EVL: variants seen among roughly 807,000 people sequenced by gnomAD.
The protein encoded by EVL is ena/VASP-like protein.
In EVL, 21 loss-of-function variants were observed where a neutral mutation model predicts 59.6. The ratio of observed to expected loss-of-function variants is 0.35; its 90% CI spans 0.25 to 0.51. The LOEUF is 0.51. Among genes scored for constraint, EVL ranks in the 20% least tolerant of loss-of-function variants. EVL has a pLI of 0.97. For missense variants in EVL, 462 were observed against 546.6 expected, an observed-to-expected ratio of 0.85 and a Z score of 1.54; for synonymous variants, 198 against 203.5, an observed-to-expected ratio of 0.97 and a Z score of 0.23.
chr14:100,105,350 C>G (rs1002242262), intron 3 of EVL, among the ~76,000 whole-genome samples: 5 of 152,094 alleles, frequency 3.3e-5, no homozygotes, highest in Admixed American at 3.3e-4. Flanking sequence ...ACAGGGACCC[C>G]AATTCTAGCC....
rs748582795 is a variant in EVL, at chr14:100,141,718, A to T, written c.1162-18A>T. 6.2e-7 allele frequency: 1 copy of T among 1,612,652 alleles called. No individual in the cohort carries two copies. The highest frequency in any genetic ancestry group is 8.5e-7 in the Non-Finnish European group (1 of 1,179,418). Reference sequence around the variant, plus strand: ...CTCCACTGCCTGTCCCTTCACCTGGACACTCCTCTCCCAACAGGAGATCCT... The same window carrying T: ...CTCCACTGCCTGTCCCTTCACCTGGTCACTCCTCTCCCAACAGGAGATCCT... On this transcript the variant is annotated intron_variant, in intron 12 of 13. Transcript: ENST00000392920.
At chr14:100,019,391 C>T in intron 1 of EVL, 1 of 414,482 alleles carries the variant, frequency 2.4e-6, no homozygotes, top group Non-Finnish European at 4.2e-6. Context: ...CAGTTCCCAG[C>T]CTGGAGCCTA....
chr14:100,044,527 G>T (rs2061518762), intron 1 of EVL, among the ~76,000 whole-genome samples: 1 of 152,154 alleles, frequency 6.6e-6, no homozygotes, highest in Non-Finnish European at 1.5e-5. Flanking sequence ...GGGCACTGGG[G>T]AAGACGGGTA....
chr14:100,131,363 T>C (rs903026261), intron 7 of EVL, among the ~76,000 whole-genome samples: 2 of 152,140 alleles, frequency 1.3e-5, no homozygotes, highest in Non-Finnish European at 2.9e-5. Flanking sequence ...TTTGCATAGC[T>C]CAGCAGGGAT....
chr14:99,998,546 AG>A (rs2060927677), intron 1 of EVL, among the ~76,000 whole-genome samples: 1 of 152,204 alleles, frequency 6.6e-6, no homozygotes, highest in African/African-American at 2.4e-5. Context: ...AAAAGTTACT[AG>A]TTTTGTAAAA....
chr14:99,991,958 C>CTGTGTGTGTGTGTG (rs1491151315), intron 1 of EVL, among the ~76,000 whole-genome samples: 131 of 73,424 alleles, frequency 1.8e-3, no homozygotes, highest in African/African-American at 8.2e-3. Flanking sequence ...TGAGGGTCAA[C>CTGTGTGTGTGTGTG]TCTGTGTGTG....
At chr14:100,090,409 A>G (rs2062540438) in intron 2 of EVL, among the ~76,000 whole-genome samples, 1 of 152,218 alleles carries the variant, frequency 6.6e-6, no homozygotes. Context: ...ACTCCTTCGG[A>G]GATGAGAGAA....
Position 100,130,099 on chromosome 14 carries a change from T to A in EVL, c.839+415T>A, listed in dbSNP as rs1247880228. Among the ~76,000 whole-genome samples the A allele has an allele frequency of 6.6e-6, 1 of 152,256 alleles. No individual in the cohort carries two copies. Among genetic ancestry groups the A allele is most frequent in the African/African-American group, 2.4e-5 (1 of 41,476 alleles). ...AATGTGTGGTGAAGGCACCCCATTC[T>A]CCAGGGTTCTTTATGGAGGACTCAG... On this transcript the variant is annotated intron_variant, in intron 7 of 13. Coordinates refer to ENST00000392920, the MANE Select transcript of EVL (RefSeq NM_016337.3). The surrounding 1 kb of genome is among the most constrained non-coding windows in gnomAD (Gnocchi z 4.8).
At chr14:99,984,319 C>T (rs564740949) in intron 1 of EVL, among the ~76,000 whole-genome samples, 2 of 152,194 alleles carry the variant, frequency 1.3e-5, no homozygotes, top group African/African-American at 4.8e-5. Context: ...GGACGTTATC[C>T]ACTGTAACCC....
Position 100,132,738 on chromosome 14 carries a change from T to G in EVL, c.859T>G (p.Ser287Ala). 1 of 1,614,086 alleles carries G rather than the reference T, an allele frequency of 6.2e-7. No homozygotes were observed. The highest frequency in any genetic ancestry group is 8.5e-7 in the Non-Finnish European group (1 of 1,180,012). Residue 287 changes from serine to alanine, a missense_variant, in exon 8 of 14, where the codon TCA (serine) becomes GCA (alanine). Ser to Ala is a moderately conservative substitution (Grantham distance 99). Transcript: ENST00000392920. Reference protein sequence around the residue: ...LAKRRKAASQSDKPAEKKEDE... With the variant: ...LAKRRKAASQADKPAEKKEDE... ...GCCTAGGAGAAAAGCAGCCTCCCAGTCAGACAAGCCAGCCGAGAAGAAGGA... is the reference window on the plus strand; with the variant it reads ...GCCTAGGAGAAAAGCAGCCTCCCAGGCAGACAAGCCAGCCGAGAAGAAGGA...
chr14:100,141,957 G>GGAAAGCT (rs1889198094), intron 13 of EVL, 164 bp downstream of exon 13: 1 of 564,064 alleles, frequency 1.8e-6, no homozygotes, highest in African/African-American at 1.9e-5. Flanking sequence ...AACAGGCTCA[G>GGAAAGCT]GAAAGCTGAA....
chr14:100,090,271 A>G (rs938478740), intron 2 of EVL, among the ~76,000 whole-genome samples: 5 of 152,352 alleles, frequency 3.3e-5, no homozygotes, highest in East Asian at 3.9e-4. Flanking sequence ...GGAAATCACT[A>G]CAGATCCTAT....
Position 100,039,503 on chromosome 14 carries a change from C to T in EVL, c.6-45184C>T, listed in dbSNP as rs564788873. Among the ~76,000 whole-genome samples the T allele has an allele frequency of 2.3e-4, 35 of 152,300 alleles. 1 individual carries two copies. In the South Asian group the frequency reaches 6.8e-3, roughly 30 times the overall value. ...CCACCCACCTCAGCCTCCCAAAGTGCTGGGATTACAGGCGTGAGCCACTGC... is the reference window on the plus strand; with the variant it reads ...CCACCCACCTCAGCCTCCCAAAGTGTTGGGATTACAGGCGTGAGCCACTGC... On this transcript the variant is annotated intron_variant, in intron 1 of 13. Transcript: ENST00000402714.
At chr14:100,081,924 A>ACC (rs1005071014) in intron 1 of EVL, among the ~76,000 whole-genome samples, 2 of 152,102 alleles carry the variant, frequency 1.3e-5, no homozygotes, top group South Asian at 2.1e-4. Flanking sequence ...ACATGGTAAA[A>ACC]CCCTGTCTCT....
rs1268924958 is a variant in EVL at position 100,130,085 on chromosome 14, A to G, written c.839+401A>G. Among the ~76,000 whole-genome samples the G allele has an allele frequency of 6.6e-6, 1 of 152,224 alleles. No homozygotes were observed. Among genetic ancestry groups the G allele is most frequent in the African/African-American group, 2.4e-5 (1 of 41,450 alleles). On this transcript the variant is annotated intron_variant, in intron 7 of 13. Transcript: ENST00000392920. This position sits in a 1 kb window ranked among gnomAD's most constrained non-coding sequence, Gnocchi z 4.8. Reference sequence around the variant, plus strand: ...AGGACACTCTGGTGAATGTGTGGTGAAGGCACCCCATTCTCCAGGGTTCTT... The same window carrying G: ...AGGACACTCTGGTGAATGTGTGGTGGAGGCACCCCATTCTCCAGGGTTCTT...
At position 100,109,659 on chromosome 14, in the gene EVL, C is replaced by G; in HGVS notation, c.358+12001C>G. The G allele has an allele frequency of 1.9e-6, 1 of 531,294 alleles. No individual in the cohort carries two copies. The highest frequency in any genetic ancestry group is 3.9e-6 in the Non-Finnish European group (1 of 258,560). 32.9% of individuals were successfully genotyped at this position (531,294 alleles called of 1,614,324 possible). On this transcript the variant is annotated intron_variant, in intron 3 of 13. Coordinates refer to ENST00000392920, the MANE Select transcript of EVL (RefSeq NM_016337.3). The surrounding 1 kb of genome is among the most constrained non-coding windows in gnomAD (Gnocchi z 4.3). ...ACCGCTTGCTGGCCAACCTGTGAAA[C>G]TGGGCTCAAGGTGAGGGGTGCTATC...
In EVL at chr14:100,124,666, C is replaced by T. The variant is rs575007904; in HGVS notation, c.422+1064C>T. Reference sequence around the variant, plus strand: ...TGCAGCTCCCTGCCGGGACCCAAGGCTGGTCCCACCCACAAAAGGGCGTGA... The same window carrying T: ...TGCAGCTCCCTGCCGGGACCCAAGGTTGGTCCCACCCACAAAAGGGCGTGA... On this transcript the variant is annotated intron_variant, in intron 4 of 13. Transcript: ENST00000392920. 3.9e-5 allele frequency among the ~76,000 whole-genome samples: 6 copies of T among 152,356 alleles called. No homozygotes were observed. The East Asian group carries it at 1.2e-3, about 29-fold the overall frequency.
chr14:100,009,901 GGTT>G (rs1312849634), intron 1 of EVL, among the ~76,000 whole-genome samples: 2 of 152,226 alleles, frequency 1.3e-5, no homozygotes, highest in Non-Finnish European at 2.9e-5. Flanking sequence ...GTTGGAAATT[GGTT>G]AAGTTTATCT....
At chr14:100,100,014 A>AC (rs1387054475) in intron 3 of EVL, among the ~76,000 whole-genome samples, 179 of 151,800 alleles carry the variant, frequency 1.2e-3, no homozygotes, top group African/African-American at 4.2e-3. Flanking sequence ...AAAAAAAAAA[A>AC]AAAAAAACAC....
Sources: gnomAD v4.1 joint callset for allele counts (sites outside exome capture counted in the v4.1 genomes callset) on GRCh38, gnomAD v4.1.1 for gene constraint, Gnocchi (gnomAD v3.1) non-coding constraint, MANE v1.5 for transcripts, NCBI Gene and HGNC (gene_info 2026-07-23, HGNC 2026-07-21) for gene names.